Variants in PCDHA12 observed in about 807,000 individuals in gnomAD.
PCDHA12 encodes protocadherin alpha 12.
In PCDHA12, 44 loss-of-function variants were observed where a neutral mutation model predicts 60.0. That is an observed-to-expected ratio of 0.73 (90% CI 0.58 to 0.94). PCDHA12 has a LOEUF of 0.94. Among genes scored for constraint, PCDHA12 ranks in the 40% least tolerant of loss-of-function variants. The probability of loss-of-function intolerance (pLI) is 0.00; values close to 1 mark genes in which losing one functional copy is unlikely to be tolerated. For missense variants in PCDHA12, 1,276 were observed against 1,239.7 expected (o/e 1.03, Z -0.44); for synonymous variants, 569 against 553.0 (o/e 1.03, Z -0.40).
chr5:140,967,831 C>T (rs2153762943), intron 1 of PCDHA12: 1 of 1,614,130 alleles, frequency 6.2e-7, no homozygotes, highest in Admixed American at 1.7e-5. Flanking sequence ...TGGTGGACAT[C>T]GTGGACGTGA....
chr5:140,879,973 C>T (rs1554171113), intron 1 of PCDHA12, among the ~76,000 whole-genome samples: 1 of 152,200 alleles, frequency 6.6e-6, no homozygotes, highest in East Asian at 1.9e-4. Context: ...GGATAAACTC[C>T]TTTCAAGATC....
chr5:140,886,689 G>C (rs1267444522), intron 1 of PCDHA12, among the ~76,000 whole-genome samples: 5 of 152,022 alleles, frequency 3.3e-5, no homozygotes, highest in African/African-American at 1.2e-4. Flanking sequence ...AGCGAGGCAT[G>C]GTGGCACGCG....
intron 1 of PCDHA12, among the ~76,000 whole-genome samples, chr5:140,915,092 C>T (rs781958993): frequency 9.2e-5 from 14 of 151,760 alleles, no homozygotes; most frequent in East Asian, 1.9e-4. Context: ...ACTATGGGCA[C>T]GCACCACCAC....
At chr5:140,983,992 C>A (rs2097080247) in intron 3 of PCDHA12, among the ~76,000 whole-genome samples, 1 of 152,200 alleles carries the variant, frequency 6.6e-6, no homozygotes, top group Non-Finnish European at 1.5e-5. Flanking sequence ...TGAAGCAATT[C>A]ATTAGAGAGC....
rs115221257 is a variant in PCDHA12 at position 140,951,407 on chromosome 5, A to G, written c.2368-27542A>G. On this transcript the variant is annotated intron_variant, in intron 1 of 3. Transcript: ENST00000398631. ...GGTAATTTATAAAGAAAAGAGGTTTAATTGGCTCACAGTTCCACAGGCTGT... is the reference window on the plus strand; with the variant it reads ...GGTAATTTATAAAGAAAAGAGGTTTGATTGGCTCACAGTTCCACAGGCTGT... Among the ~76,000 whole-genome samples the G allele has an allele frequency of 4.7e-3, 715 of 152,182 alleles. 3 individuals are homozygous for G. Among genetic ancestry groups the G allele is most frequent in the African/African-American group, 0.015 (625 of 41,530 alleles).
chr5:140,923,885 AGAG>A (rs1190900836), intron 1 of PCDHA12, among the ~76,000 whole-genome samples: 7 of 152,210 alleles, frequency 4.6e-5, no homozygotes, highest in Non-Finnish European at 8.8e-5. Flanking sequence ...AGCGTGTGAA[AGAG>A]GAGGAGTTTC....
chr5:140,983,211 T>C (rs1429696975), intron 3 of PCDHA12, among the ~76,000 whole-genome samples: 1 of 152,204 alleles, frequency 6.6e-6, no homozygotes, highest in African/African-American at 2.4e-5. Context: ...AGGGACTATT[T>C]CCTAATCCAA....
At chr5:141,006,085 C>T (rs1588120524) in intron 3 of PCDHA12, among the ~76,000 whole-genome samples, 1 of 148,094 alleles carries the variant, frequency 6.8e-6, no homozygotes, top group African/African-American at 2.5e-5. Context: ...ATTGAAGGGA[C>T]TTATGTATCA....
chr5:140,959,061 A>G (rs1434123552), intron 1 of PCDHA12, among the ~76,000 whole-genome samples: 2 of 152,126 alleles, frequency 1.3e-5, no homozygotes, highest in Non-Finnish European at 2.9e-5. Flanking sequence ...AATGCAGTAT[A>G]TATAGAATTC....
intron 1 of PCDHA12, chr5:140,881,297 C>T: frequency 4.3e-6 from 4 of 940,924 alleles, no homozygotes; most frequent in Non-Finnish European, 5.1e-6. Flanking sequence ...AAAATGGAAA[C>T]TTTAACCTCC....
At chr5:140,922,166 G>A (rs1304025068) in intron 1 of PCDHA12, among the ~76,000 whole-genome samples, 1 of 143,464 alleles carries the variant, frequency 7.0e-6, no homozygotes, top group East Asian at 2.2e-4. Flanking sequence ...ACAACAAAAA[G>A]TACAGCAGAC....
intron 3 of PCDHA12, among the ~76,000 whole-genome samples, chr5:141,000,587 C>A (rs181671847): frequency 0.01 from 1,575 of 150,790 alleles, 20 homozygotes; most frequent in Non-Finnish European, 0.016. Context: ...GCCACCATGC[C>A]CAGCTAATTT....
At chr5:140,911,439 A>C (rs2075473101) in intron 1 of PCDHA12, among the ~76,000 whole-genome samples, 2 of 152,080 alleles carry the variant, frequency 1.3e-5, no homozygotes, top group Admixed American at 1.3e-4. Context: ...AATTTCCCGC[A>C]ATTTCAGCTC....
intron 1 of PCDHA12, among the ~76,000 whole-genome samples, chr5:140,903,353 G>C (rs782739410): frequency 6.6e-5 from 10 of 152,156 alleles, no homozygotes; most frequent in Non-Finnish European, 1.3e-4. Context: ...TAAAAAACAA[G>C]TTTTTCAAAA....
chr5:140,943,823 G>A (rs1431339857), intron 1 of PCDHA12, among the ~76,000 whole-genome samples: 3 of 152,206 alleles, frequency 2.0e-5, no homozygotes, highest in African/African-American at 7.2e-5. Flanking sequence ...AAGAAAATGA[G>A]TTGATTGAAG....
chr5:140,944,853 C>T (rs1230548858), intron 1 of PCDHA12, among the ~76,000 whole-genome samples: 1 of 152,118 alleles, frequency 6.6e-6, no homozygotes, highest in East Asian at 1.9e-4. Context: ...TTAGAATCAT[C>T]CTTATTTATC....
At chr5:140,929,013 G>A in intron 1 of PCDHA12, 1 of 1,614,120 alleles carries the variant, frequency 6.2e-7, no homozygotes, top group South Asian at 1.1e-5. Context: ...GTACCAAGTT[G>A]CACCAGAGCC....
intron 1 of PCDHA12, among the ~76,000 whole-genome samples, chr5:140,932,053 C>T (rs1358715698): frequency 6.6e-6 from 1 of 151,780 alleles, no homozygotes; most frequent in Non-Finnish European, 1.5e-5. Flanking sequence ...GCCTGTAATA[C>T]TAAAAATTAT....
chr5:141,004,682 T>G (rs1002761253), intron 3 of PCDHA12, among the ~76,000 whole-genome samples: 2 of 152,184 alleles, frequency 1.3e-5, no homozygotes, highest in South Asian at 4.1e-4. Flanking sequence ...TGTGGAGTGG[T>G]GCTGAAACCC....
Sources: gnomAD v4.1 joint callset for allele counts (sites outside exome capture counted in the v4.1 genomes callset) on GRCh38, gnomAD v4.1.1 for gene constraint, MANE v1.5 for transcripts, NCBI Gene and HGNC (gene_info 2026-07-23, HGNC 2026-07-21) for gene names.